CYTH3: variants seen among roughly 807,000 people sequenced by gnomAD.
CYTH3 encodes cytohesin-3.
Under a neutral mutation model 55.1 loss-of-function variants are expected in CYTH3, and 23 were observed. That is an observed-to-expected ratio of 0.42 (90% CI 0.30 to 0.59). The LOEUF (loss-of-function observed/expected upper bound fraction) is 0.59. Among genes scored for constraint, CYTH3 ranks in the 20% least tolerant of loss-of-function variants. CYTH3 has a pLI of 0.20. For missense variants in CYTH3, 413 were observed against 524.8 expected (o/e 0.79, Z 2.08); for synonymous variants, 249 against 194.9 (o/e 1.28, Z -2.31).
chr7:6,245,812 G>A (rs11974681), intron 1 of CYTH3, among the ~76,000 whole-genome samples: 2 of 152,134 alleles, frequency 1.3e-5, no homozygotes, highest in Non-Finnish European at 2.9e-5. Context: ...GCTGAGGCAG[G>A]AGAATCACCT....
At chr7:6,263,129 A>G (rs1469493780) in intron 1 of CYTH3, among the ~76,000 whole-genome samples, 1 of 152,202 alleles carries the variant, frequency 6.6e-6, no homozygotes, top group Non-Finnish European at 1.5e-5. Context: ...ATTCCATCCC[A>G]TAACAAGAGC....
intron 5 of CYTH3, among the ~76,000 whole-genome samples, chr7:6,176,406 C>T (rs1417966960): frequency 2.6e-5 from 4 of 151,674 alleles, no homozygotes; most frequent in African/African-American, 7.3e-5. Flanking sequence ...AGAATACAGG[C>T]GCCCACCACC....
intron 1 of CYTH3, among the ~76,000 whole-genome samples, chr7:6,245,533 A>G (rs1779789766): frequency 6.6e-6 from 1 of 152,134 alleles, no homozygotes. Flanking sequence ...CTTCTTCCCT[A>G]CTTTCACTCA....
rs887701278 is a variant in CYTH3 at position 6,244,955 on chromosome 7, A to ATTTTTTTTTTTTT, written c.34+27506_34+27518dup. On this transcript the variant is annotated intron_variant, in intron 1 of 12. Coordinates refer to ENST00000350796, the MANE Select transcript of CYTH3 (RefSeq NM_004227.4). The stretch of plus-strand genomic sequence containing the variant: ...AGTCACCCGCCACCACGCCCGGCTA[A>ATTTTTTTTTTTTT]TTTTTTTTTTTTTTTTTTTTTTTTT... 8.0e-4 allele frequency among the ~76,000 whole-genome samples: 29 copies of ATTTTTTTTTTTTT among 36,452 alleles called. 1 individual carries two copies. Among genetic ancestry groups the ATTTTTTTTTTTTT allele is most frequent in the Non-Finnish European group, 1.2e-3 (23 of 19,964 alleles). 23.9% of individuals were successfully genotyped at this position (36,452 alleles called of 152,430 possible).
chr7:6,243,090 G>T (rs1163377971), intron 1 of CYTH3, among the ~76,000 whole-genome samples: 2 of 152,172 alleles, frequency 1.3e-5, no homozygotes, highest in African/African-American at 4.8e-5. Flanking sequence ...TTAATTGCAG[G>T]TGCTCTAAAA....
chr7:6,233,032 T>A (rs936331868), intron 1 of CYTH3, among the ~76,000 whole-genome samples: 3 of 152,162 alleles, frequency 2.0e-5, no homozygotes, highest in Non-Finnish European at 4.4e-5. Flanking sequence ...TCTCTCAGCC[T>A]CCTGGTATCA....
intron 1 of CYTH3, among the ~76,000 whole-genome samples, chr7:6,229,114 G>C (rs1779322381): frequency 6.6e-6 from 1 of 152,122 alleles, no homozygotes; most frequent in Admixed American, 6.5e-5. Flanking sequence ...AGTAAAACCT[G>C]AATTAGCCAA....
intron 1 of CYTH3, among the ~76,000 whole-genome samples, chr7:6,255,568 C>G (rs1780076209): frequency 6.6e-6 from 1 of 152,050 alleles, no homozygotes; most frequent in Admixed American, 6.6e-5. Context: ...ACCAGAAAGG[C>G]CCCCACCACA....
At chr7:6,192,559 GTC>G (rs2128544619) in intron 1 of CYTH3, among the ~76,000 whole-genome samples, 1 of 127,858 alleles carries the variant, frequency 7.8e-6, no homozygotes, top group East Asian at 2.3e-4. Flanking sequence ...TTGAGACAGA[GTC>G]TCGCTCTGTC....
chr7:6,171,111 AAC>A lies in CYTH3; in HGVS notation c.562+89_562+90del. On this transcript the variant is annotated intron_variant, in intron 7 of 12. Coordinates refer to ENST00000350796, the MANE Select transcript of CYTH3 (RefSeq NM_004227.4). This position sits in a 1 kb window ranked among gnomAD's most constrained non-coding sequence, Gnocchi z 6.7. ...CGCTCAGGGAAGGCAGGTCCCCAGG[AAC>A]ACACGCTGGGCTGTGCCCACAGGGG... 1 of 1,583,994 alleles carries A rather than the reference AAC, an allele frequency of 6.3e-7. No individual in the cohort carries two copies.
intron 5 of CYTH3, among the ~76,000 whole-genome samples, chr7:6,175,210 T>C (rs1020796836): frequency 2.6e-5 from 4 of 152,214 alleles, no homozygotes; most frequent in African/African-American, 7.2e-5. Context: ...TTTACCTTTT[T>C]TTCAGGCTAG....
At chr7:6,214,679 A>G (rs1363702412) in intron 1 of CYTH3, among the ~76,000 whole-genome samples, 2 of 152,226 alleles carry the variant, frequency 1.3e-5, no homozygotes, top group African/African-American at 2.4e-5. Flanking sequence ...AAAATTTTTA[A>G]TAAGCAAAAA....
At chr7:6,213,968 T>C (rs548088894) in intron 1 of CYTH3, among the ~76,000 whole-genome samples, 3 of 152,124 alleles carry the variant, frequency 2.0e-5, no homozygotes, top group South Asian at 4.1e-4. Context: ...GCTCATGGAG[T>C]GCAGGGAAAG....
intron 1 of CYTH3, among the ~76,000 whole-genome samples, chr7:6,255,135 T>G (rs1380720465): frequency 6.6e-6 from 1 of 152,146 alleles, no homozygotes; most frequent in Non-Finnish European, 1.5e-5. Context: ...TCACTTCGGT[T>G]TTTTAACAGC....
chr7:6,241,273 A>G (rs962085967), intron 1 of CYTH3, among the ~76,000 whole-genome samples: 1 of 152,268 alleles, frequency 6.6e-6, no homozygotes, highest in South Asian at 2.1e-4. Flanking sequence ...CTAATCCCCT[A>G]CTATGCAAAG....
intron 1 of CYTH3, among the ~76,000 whole-genome samples, chr7:6,203,758 G>GC (rs987734245): frequency 5.3e-5 from 8 of 149,880 alleles, no homozygotes; most frequent in Non-Finnish European, 8.9e-5. Context: ...TCGCTCTGTC[G>GC]CCCAGGCTGG....
chr7:6,164,973 T>C lies in CYTH3; in HGVS notation c.1171A>G (p.Arg391Gly). ...RDPFYDMLAT[R>G]KRRIANKK ...TTTTTATTGGCAATCCTTCGTTTCCTCGTTGCCAACATGTCATAGAAGGGA... is the reference window on the plus strand; with the variant it reads ...TTTTTATTGGCAATCCTTCGTTTCCCCGTTGCCAACATGTCATAGAAGGGA... Residue 391 changes from arginine (R) to glycine (G), a missense_variant, in exon 13 of 13, where the codon AGG becomes GGG. By Grantham distance (125) the Arg-to-Gly change is moderately radical. Coordinates refer to ENST00000350796, the MANE Select transcript of CYTH3 (RefSeq NM_004227.4). 6.2e-7 allele frequency: 1 copy of C among 1,614,244 alleles called. No individual in the cohort carries two copies. Among genetic ancestry groups the C allele is most frequent in the Non-Finnish European group, 8.5e-7 (1 of 1,180,044 alleles).
chr7:6,166,097 G>T (rs1782996236), intron 9 of CYTH3, among the ~76,000 whole-genome samples: 1 of 152,166 alleles, frequency 6.6e-6, no homozygotes, highest in Admixed American at 6.5e-5. Context: ...TTTCCCACAT[G>T]AGATGGCAGT....
At chr7:6,267,744 GA>G (rs1313753232) in intron 1 of CYTH3, among the ~76,000 whole-genome samples, 4 of 152,072 alleles carry the variant, frequency 2.6e-5, no homozygotes, top group Non-Finnish European at 5.9e-5. Flanking sequence ...GACTGGTCTC[GA>G]ACTCCTGACC....
Sources: gnomAD v4.1 joint callset for allele counts (sites outside exome capture counted in the v4.1 genomes callset) on GRCh38, gnomAD v4.1.1 for gene constraint, Gnocchi (gnomAD v3.1) non-coding constraint, MANE v1.5 for transcripts, NCBI Gene and HGNC (gene_info 2026-07-23, HGNC 2026-07-21) for gene names.